The following SRGAP3 variants were observed in gnomAD, a reference collection of about 807,000 sequenced individuals.
The protein encoded by SRGAP3 is SLIT-ROBO Rho GTPase-activating protein 3.
A neutral mutation model predicts 121.1 loss-of-function variants in SRGAP3; 39 were observed. That is an observed-to-expected ratio of 0.32 (90% CI 0.25 to 0.42). The LOEUF (loss-of-function observed/expected upper bound fraction) is 0.42, where lower values mean the gene tolerates loss of function less well. SRGAP3 is among the 10% of genes least tolerant of loss of function. The probability of loss-of-function intolerance (pLI) is 1.00; values close to 1 mark genes in which losing one functional copy is unlikely to be tolerated. For missense variants in SRGAP3, 1,213 were observed against 1,470.6 expected, an observed-to-expected ratio of 0.82 and a Z score of 2.86; for synonymous variants, 601 against 570.0, an observed-to-expected ratio of 1.05 and a Z score of -0.77.
At chr3:9,106,799 T>G (rs1948433912) in intron 2 of SRGAP3, among the ~76,000 whole-genome samples, 2 of 152,094 alleles carry the variant, frequency 1.3e-5, no homozygotes, top group African/African-American at 4.8e-5. Flanking sequence ...CTCTTGGGTA[T>G]GTGTTTATCA....
At chr3:8,995,289 T>C (rs562883704) in intron 18 of SRGAP3, among the ~76,000 whole-genome samples, 1 of 151,870 alleles carries the variant, frequency 6.6e-6, no homozygotes, top group Non-Finnish European at 1.5e-5. Context: ...CTGGGCAATA[T>C]AGTGAGACCT....
intron 13 of SRGAP3, among the ~76,000 whole-genome samples, chr3:9,026,624 T>G (rs1326211218): frequency 6.6e-6 from 1 of 152,230 alleles, no homozygotes; most frequent in Non-Finnish European, 1.5e-5. Flanking sequence ...CTAGCCGTAT[T>G]AGCTGATTTA....
intron 5 of SRGAP3, among the ~76,000 whole-genome samples, chr3:9,062,417 TTTTA>T (rs1946220193): frequency 6.6e-6 from 1 of 152,110 alleles, no homozygotes; most frequent in African/African-American, 2.4e-5. Context: ...TTTATTTTAT[TTTTA>T]TTTATTTTTA....
At chr3:9,331,361 G>C (rs535186527) in intron 1 of SRGAP3, among the ~76,000 whole-genome samples, 1 of 152,168 alleles carries the variant, frequency 6.6e-6, no homozygotes, top group Non-Finnish European at 1.5e-5. Context: ...GATGAAGCTT[G>C]GGGCCATATG....
chr3:9,309,099 C>G (rs1461364783), intron 3 of SRGAP3, among the ~76,000 whole-genome samples: 10 of 152,198 alleles, frequency 6.6e-5, no homozygotes, highest in Non-Finnish European at 5.9e-5. Flanking sequence ...CCTCAGGATG[C>G]TCCTTTTGGG....
chr3:9,054,253 C>T (rs1945715991), intron 8 of SRGAP3, among the ~76,000 whole-genome samples: 2 of 152,166 alleles, frequency 1.3e-5, no homozygotes, highest in Admixed American at 6.6e-5. Flanking sequence ...TCATTATACC[C>T]TCCTCCTTTT....
chr3:9,138,577 G>A (rs970581302), intron 1 of SRGAP3, among the ~76,000 whole-genome samples: 3 of 152,026 alleles, frequency 2.0e-5, no homozygotes, highest in East Asian at 3.9e-4. Context: ...CTGTCTCTGC[G>A]GACCACCTAA....
chr3:9,234,565 C>T (rs1236703029), intron 1 of SRGAP3, among the ~76,000 whole-genome samples: 1 of 152,198 alleles, frequency 6.6e-6, no homozygotes, highest in Non-Finnish European at 1.5e-5. Flanking sequence ...GGAACTGTCT[C>T]ATCCTGCCAA....
chr3:9,361,468 T>TTG (rs1013964562), intron 1 of SRGAP3, among the ~76,000 whole-genome samples: 63 of 152,336 alleles, frequency 4.1e-4, no homozygotes, highest in African/African-American at 1.4e-3. Flanking sequence ...GTTTATCTTT[T>TTG]TGTTGTTGGG....
chr3:9,262,526 A>T (rs1201487756), intron 3 of SRGAP3, among the ~76,000 whole-genome samples: 1 of 138,316 alleles, frequency 7.2e-6, no homozygotes, highest in Non-Finnish European at 1.5e-5. Context: ...TACCAAGCAA[A>T]TGGAAAGCAA....
chr3:8,985,315 G>C lies in SRGAP3; in HGVS notation c.*204C>G. ...TCCAGCACTCCTCTGGTCGTCTGTT[G>C]ACACGCGAGAGGTCCGTGGGATTCC... On this transcript the variant is annotated 3_prime_UTR_variant, in exon 22 of 22. Transcript: ENST00000383836. The surrounding 1 kb of genome is among the most constrained non-coding windows in gnomAD (Gnocchi z 5.1). 4 of 1,167,840 alleles carry C rather than the reference G, an allele frequency of 3.4e-6. No individual in the cohort carries two copies. The highest frequency in any genetic ancestry group is 4.6e-6 in the Non-Finnish European group (4 of 869,666). The allele number at this position is 1,167,840 out of a possible 1,614,324, so 72.3% of individuals were successfully genotyped here.
At chr3:9,228,245 C>T (rs1953062993) in intron 1 of SRGAP3, among the ~76,000 whole-genome samples, 2 of 152,088 alleles carry the variant, frequency 1.3e-5, no homozygotes, top group South Asian at 2.1e-4. Flanking sequence ...AAAAGGCAGC[C>T]GCCAGTCAGC....
chr3:9,309,726 G>C (rs1288634566), intron 3 of SRGAP3, among the ~76,000 whole-genome samples: 1 of 152,252 alleles, frequency 6.6e-6, no homozygotes, highest in African/African-American at 2.4e-5. Context: ...AGATGTGAGG[G>C]CACAGACCTG....
chr3:9,122,879 G>A (rs1949067461), intron 2 of SRGAP3, among the ~76,000 whole-genome samples: 1 of 152,148 alleles, frequency 6.6e-6, no homozygotes. Context: ...TAAAGGCAGA[G>A]AGCTCCCTGG....
chr3:9,118,454 G>A (rs1948882634), intron 2 of SRGAP3, among the ~76,000 whole-genome samples: 1 of 152,166 alleles, frequency 6.6e-6, no homozygotes, highest in South Asian at 2.1e-4. Context: ...CTACACCAGA[G>A]TCCTGCTCAG....
At chr3:9,236,096 T>A (rs1953399709) in intron 1 of SRGAP3, 1 of 164,806 alleles carries the variant, frequency 6.1e-6, no homozygotes, top group South Asian at 2.0e-4. Flanking sequence ...TACTCAGGAT[T>A]TTAGCCACCT....
intron 2 of SRGAP3, among the ~76,000 whole-genome samples, chr3:9,122,328 T>C (rs1949037862): frequency 6.6e-6 from 1 of 152,150 alleles, no homozygotes; most frequent in Non-Finnish European, 1.5e-5. Flanking sequence ...TCCAAAAAAA[T>C]ATGAGATTAT....
chr3:9,185,939 A>G (rs183136831), intron 1 of SRGAP3, among the ~76,000 whole-genome samples: 93 of 152,272 alleles, frequency 6.1e-4, no homozygotes, highest in Admixed American at 6.0e-3. Flanking sequence ...TCCCAGGAGG[A>G]TTCAGTTGAG....
At chr3:9,292,850 G>A (rs1954891800) in intron 3 of SRGAP3, 2 of 152,142 alleles carry the variant, frequency 1.3e-5, no homozygotes, top group South Asian at 2.1e-4. Context: ...GGGAGCTCAG[G>A]TTGGGACCAC....
Sources: allele counts gnomAD v4.1 joint callset (sites outside exome capture counted in the v4.1 genomes callset), GRCh38; gene constraint gnomAD v4.1.1; non-coding constraint Gnocchi (gnomAD v3.1); transcripts MANE v1.5; gene names NCBI Gene and HGNC (gene_info 2026-07-23, HGNC 2026-07-21).